The following BCLAF1 variants were observed in gnomAD, a reference collection of about 807,000 sequenced individuals.
The protein encoded by BCLAF1 is BCL2 associated transcription factor 1.
Under a neutral mutation model 99.5 loss-of-function variants are expected in BCLAF1, and 10 were observed. The ratio of observed to expected loss-of-function variants is 0.10; its 90% CI spans 0.06 to 0.17. The LOEUF is 0.17. Among genes scored for constraint, BCLAF1 ranks in the 10% least tolerant of loss-of-function variants. The pLI is 1.00. For missense variants in BCLAF1, 636 were observed against 1,105.8 expected, an observed-to-expected ratio of 0.58 and a Z score of 6.02; for synonymous variants, 255 against 370.9, an observed-to-expected ratio of 0.69 and a Z score of 3.59.
rs1399189907 is a variant in BCLAF1, at chr6:136,259,383, T to C, written c.*1727A>G. 6.6e-6 allele frequency: 1 copy of C among 152,068 alleles called. No homozygotes were observed. The highest frequency in any genetic ancestry group is 1.5e-5 in the Non-Finnish European group (1 of 67,914). 9.4% of individuals were successfully genotyped at this position (152,068 alleles called of 1,614,324 possible). A position where few individuals can be genotyped will look rare whatever the true frequency, so the allele number is the denominator to read the frequency against. On this transcript the variant is annotated 3_prime_UTR_variant, in exon 13 of 13. Coordinates refer to ENST00000531224, the MANE Select transcript of BCLAF1 (RefSeq NM_014739.3). ...TCTAACCAAGTAACTGTTATGGTAT[T>C]TATTTGTATACAATAAAAGGGTCAT... is the stretch of plus-strand genomic sequence containing the variant.
At chr6:136,289,090 G>C (rs779645906) in intron 1 of BCLAF1, among the ~76,000 whole-genome samples, 2 of 152,214 alleles carry the variant, frequency 1.3e-5, no homozygotes, top group Admixed American at 6.5e-5. Flanking sequence ...GCGAGAGGCA[G>C]AACAGAGCAC....
chr6:136,273,945 C>T (rs1782905613), intron 6 of BCLAF1: 1 of 1,181,046 alleles, frequency 8.5e-7, no homozygotes, highest in African/African-American at 1.6e-5. Context: ...GGTCAACATA[C>T]ATCTGTTGTC....
At chr6:136,261,617 C>G in intron 11 of BCLAF1, 140 bp from the exon 12 acceptor site, 2 of 855,984 alleles carry the variant, frequency 2.3e-6, no homozygotes, top group Non-Finnish European at 1.7e-6. Context: ...TAAAACAAAA[C>G]CAGTAAAACT....
intron 7 of BCLAF1, 42 bp downstream of exon 7, chr6:136,273,040 T>A (rs1462843567): frequency 6.7e-7 from 1 of 1,494,478 alleles, no homozygotes; most frequent in Non-Finnish European, 9.2e-7. Context: ...TGTCTTCCTA[T>A]CAAAACAACG....
chr6:136,264,512 T>C (rs1336884211), intron 11 of BCLAF1, among the ~76,000 whole-genome samples: 5 of 152,270 alleles, frequency 3.3e-5, no homozygotes, highest in Admixed American at 1.3e-4. Context: ...GCCTGTTAGT[T>C]ACTAAGTATT....
In BCLAF1 at chr6:136,276,202, TTTGGAC is replaced by T. The variant is rs1214092019; in HGVS notation, c.1317_1322del (p.Ser440_Lys441del). ...TTTCTCTATTGCCTTTCAGTGAAAC[TTTGGAC>T]TTGTACTTGAGTCCTTCCTCCTCAG... is the stretch of plus-strand genomic sequence containing the variant. On this transcript the variant is annotated inframe_deletion, in exon 5 of 13. Coordinates refer to ENST00000531224, the MANE Select transcript of BCLAF1 (RefSeq NM_014739.3). 6 of 1,610,812 alleles carry T rather than the reference TTTGGAC, an allele frequency of 3.7e-6. No homozygotes were observed. Among genetic ancestry groups the T allele is most frequent in the Non-Finnish European group, 5.1e-6 (6 of 1,179,202 alleles).
intron 8 of BCLAF1, among the ~76,000 whole-genome samples, chr6:136,271,641 C>G (rs753346583): frequency 7.2e-5 from 11 of 151,926 alleles, no homozygotes; most frequent in African/African-American, 2.7e-4. Context: ...TTTAGACACA[C>G]AAATCGAGAA....
rs1444470989 is a variant in BCLAF1, at chr6:136,257,064, CAA to C, written c.*4044_*4045del. On this transcript the variant is annotated 3_prime_UTR_variant, in exon 13 of 13. Coordinates refer to ENST00000531224, the MANE Select transcript of BCLAF1 (RefSeq NM_014739.3). Reference sequence around the variant, plus strand: ...ATGAAATCTGGAAGCTGGCCAACCCCAAAAGATTAAGAAAAATTCGATGTATA... The same window carrying C: ...ATGAAATCTGGAAGCTGGCCAACCCCAAGATTAAGAAAAATTCGATGTATA... The C allele has an allele frequency of 6.6e-6, 1 of 152,108 alleles. No homozygotes were observed. The highest frequency in any genetic ancestry group is 2.1e-4 in the South Asian group (1 of 4,832). 9.4% of individuals were successfully genotyped at this position (152,108 alleles called of 1,614,324 possible). A position where few individuals can be genotyped will look rare whatever the true frequency, so the allele number is the denominator to read the frequency against.
At chr6:136,268,957 AC>A (rs959639715) in intron 9 of BCLAF1, 1 of 305,956 alleles carries the variant, frequency 3.3e-6, no homozygotes, top group African/African-American at 2.3e-5. Flanking sequence ...GTTAACTCTT[AC>A]CACTGCTAAC....
chr6:136,265,526 G>A (rs1313719917), intron 11 of BCLAF1, among the ~76,000 whole-genome samples: 5 of 152,008 alleles, frequency 3.3e-5, no homozygotes, highest in African/African-American at 1.2e-4. Flanking sequence ...TGTAAACTCT[G>A]CTTAAAACTC....
intron 6 of BCLAF1, among the ~76,000 whole-genome samples, chr6:136,275,303 A>G (rs1783124922): frequency 6.6e-6 from 1 of 152,140 alleles, no homozygotes; most frequent in South Asian, 2.1e-4. Context: ...ACAGATTTTT[A>G]GCATATGGTT....
chr6:136,266,004 G>A (rs1378042155), intron 11 of BCLAF1, among the ~76,000 whole-genome samples: 1 of 151,598 alleles, frequency 6.6e-6, no homozygotes. Context: ...CACTCAAGAA[G>A]CATAAACTGA....
At chr6:136,262,497 A>G (rs1230020507) in intron 11 of BCLAF1, among the ~76,000 whole-genome samples, 2 of 152,110 alleles carry the variant, frequency 1.3e-5, no homozygotes. Context: ...CTTTGGATAT[A>G]TTCATTTAAC....
At chr6:136,262,933 C>T (rs1246933242) in intron 11 of BCLAF1, among the ~76,000 whole-genome samples, 1 of 152,068 alleles carries the variant, frequency 6.6e-6, no homozygotes, top group Non-Finnish European at 1.5e-5. Context: ...CTCTAGAATT[C>T]ACTTCATTTT....
intron 4 of BCLAF1, 25 bp from the exon 5 acceptor site, chr6:136,276,533 A>G: frequency 1.3e-6 from 2 of 1,564,964 alleles, no homozygotes; most frequent in South Asian, 1.2e-5. Flanking sequence ...AGAAGAGGAT[A>G]GTAACTCTGG....
At chr6:136,279,966 T>C (rs942109987) in intron 2 of BCLAF1, 90 bp from the exon 3 acceptor site, 4 of 1,267,868 alleles carry the variant, frequency 3.2e-6, no homozygotes, top group East Asian at 5.8e-5. Context: ...AAAATTTGAT[T>C]TTTACAAGTT....
rs556509208 is a variant in BCLAF1 at position 136,285,935 on chromosome 6, T to C, written c.-114-3248A>G. Among the ~76,000 whole-genome samples the C allele has an allele frequency of 8.5e-5, 13 of 152,098 alleles. No individual in the cohort carries two copies. The South Asian group carries it at 2.7e-3, about 32-fold the overall frequency. On this transcript the variant is annotated intron_variant, in intron 1 of 12. Coordinates refer to ENST00000531224, the MANE Select transcript of BCLAF1 (RefSeq NM_014739.3). ...CAACATGGTGAAACCCCGTCTCTAC[T>C]AAAAATACAAAAATCAGCCAGGCGT...
At chr6:136,275,770 C>A in intron 5 of BCLAF1, 69 bp from the exon 6 acceptor site, 18 of 1,563,944 alleles carry the variant, frequency 1.2e-5, no homozygotes, top group Non-Finnish European at 1.6e-5. Context: ...ATGGTATGTT[C>A]AGAAAGTTTA....
intron 11 of BCLAF1, among the ~76,000 whole-genome samples, chr6:136,265,050 A>T (rs1049053687): frequency 6.6e-6 from 1 of 152,188 alleles, no homozygotes; most frequent in African/African-American, 2.4e-5. Context: ...ATATTTGTAA[A>T]TTGTTAAAAG....
Sources: gnomAD v4.1 joint callset for allele counts (sites outside exome capture counted in the v4.1 genomes callset) on GRCh38, gnomAD v4.1.1 for gene constraint, MANE v1.5 for transcripts, NCBI Gene and HGNC (gene_info 2026-07-23, HGNC 2026-07-21) for gene names.